FARS2: variants seen among roughly 807,000 people sequenced by gnomAD.
FARS2 encodes phenylalanine--tRNA ligase, mitochondrial.
A neutral mutation model predicts 46.4 loss-of-function variants in FARS2; 40 were observed. That is an observed-to-expected ratio of 0.86 (90% confidence interval 0.67 to 1.12). The LOEUF (loss-of-function observed/expected upper bound fraction) is 1.12, where lower values mean the gene tolerates loss of function less well. FARS2 is among the 50% of genes most tolerant of loss of function. FARS2 has a pLI of 0.00. For missense variants in FARS2, 513 were observed against 567.9 expected, an observed-to-expected ratio of 0.90 and a Z score of 0.98; for synonymous variants, 234 against 214.9, an observed-to-expected ratio of 1.09 and a Z score of -0.78.
the FARS2 span, among the ~76,000 whole-genome samples, chr6:5,251,311 A>G: frequency 9.7e-4 from 147 of 152,286 alleles, no homozygotes; most frequent in African/African-American, 3.3e-3. Flanking sequence ...GTGCTTGTTA[A>G]TACTATTCAT....
At chr6:5,481,666 G>A (rs966863355) in intron 4 of FARS2, among the ~76,000 whole-genome samples, 2 of 152,118 alleles carry the variant, frequency 1.3e-5, no homozygotes, top group Non-Finnish European at 2.9e-5. Flanking sequence ...GCTTGCATTT[G>A]GCATGCACAG....
At chr6:5,643,754 A>G (rs1776939493) in intron 6 of FARS2, among the ~76,000 whole-genome samples, 1 of 152,144 alleles carries the variant, frequency 6.6e-6, no homozygotes, top group Admixed American at 6.6e-5. Context: ...TCCACAGTCT[A>G]CCAGCCTGAG....
At chr6:5,468,376 A>G (rs1463907906) in intron 4 of FARS2, among the ~76,000 whole-genome samples, 3 of 151,980 alleles carry the variant, frequency 2.0e-5, no homozygotes, top group Admixed American at 6.6e-5. Context: ...AAGAAAGAAA[A>G]AAAGTTAGCC....
intron 5 of FARS2, among the ~76,000 whole-genome samples, chr6:5,596,168 C>T (rs761978518): frequency 6.6e-6 from 1 of 152,178 alleles, no homozygotes; most frequent in Non-Finnish European, 1.5e-5. Flanking sequence ...CACCGTTATA[C>T]ATTCAGCATA....
At chr6:5,763,140 C>T (rs1030096128) in intron 6 of FARS2, among the ~76,000 whole-genome samples, 2 of 152,190 alleles carry the variant, frequency 1.3e-5, no homozygotes, top group East Asian at 1.9e-4. Context: ...ATTAGGCCAG[C>T]GTGCTTCCCT....
intron 2 of FARS2, among the ~76,000 whole-genome samples, chr6:5,395,687 C>T (rs902515456): frequency 3.3e-5 from 5 of 152,214 alleles, no homozygotes; most frequent in African/African-American, 1.2e-4. Flanking sequence ...GCTTTATCTT[C>T]ATTTGTAGGA....
At chr6:5,462,888 A>G (rs1765320121) in intron 4 of FARS2, among the ~76,000 whole-genome samples, 1 of 152,244 alleles carries the variant, frequency 6.6e-6, no homozygotes, top group Non-Finnish European at 1.5e-5. Flanking sequence ...TCATTTAGAG[A>G]AAATCGCCAT....
At chr6:5,328,270 C>G (rs532128900) in intron 1 of FARS2, among the ~76,000 whole-genome samples, 5 of 152,158 alleles carry the variant, frequency 3.3e-5, no homozygotes, top group Admixed American at 6.5e-5. Context: ...ACCCTTACCC[C>G]CAAAGCACTA....
At chr6:5,746,776 A>G (rs1761671304) in intron 6 of FARS2, among the ~76,000 whole-genome samples, 2 of 152,224 alleles carry the variant, frequency 1.3e-5, no homozygotes, top group African/African-American at 4.8e-5. Flanking sequence ...AATATCTGCT[A>G]GTATTTATTA....
At chr6:5,543,885 C>T (rs201391994) in intron 4 of FARS2, among the ~76,000 whole-genome samples, 1 of 140,944 alleles carries the variant, frequency 7.1e-6, no homozygotes. Context: ...TGTTTGTTTG[C>T]TTTTTTTTTT....
chr6:5,359,265 C>G (rs934288012), intron 1 of FARS2, among the ~76,000 whole-genome samples: 3 of 151,968 alleles, frequency 2.0e-5, no homozygotes, highest in African/African-American at 7.2e-5. Flanking sequence ...TTCCCAAACT[C>G]CTGACCTCAG....
chr6:5,408,301 T>C (rs1323088539), intron 3 of FARS2, among the ~76,000 whole-genome samples: 1 of 151,802 alleles, frequency 6.6e-6, no homozygotes, highest in Non-Finnish European at 1.5e-5. Context: ...TGACACCTGG[T>C]AAGTGGGAAT....
chr6:5,260,703 A>G (rs2224391), upstream of FARS2: 4 of 1,553,438 alleles, frequency 2.6e-6, no homozygotes, highest in Admixed American at 1.9e-5. Flanking sequence ...CGGTACAGAG[A>G]TAACACTTGT....
chr6:5,469,134 A>G (rs1765672291), intron 4 of FARS2, among the ~76,000 whole-genome samples: 1 of 152,206 alleles, frequency 6.6e-6, no homozygotes, highest in South Asian at 2.1e-4. Context: ...GTGTTTAGCC[A>G]TTGCCACTTC....
chr6:5,260,611 G>GGCCCCCC, upstream of FARS2: 3 of 1,377,682 alleles, frequency 2.2e-6, no homozygotes, highest in East Asian at 2.5e-5. Flanking sequence ...CCGGCCCCTG[G>GGCCCCCC]CCCCCCGCCC....
At chr6:5,315,745 T>TCTTTTCTTC (rs1769454887) in intron 1 of FARS2, among the ~76,000 whole-genome samples, 1 of 150,208 alleles carries the variant, frequency 6.7e-6, no homozygotes, top group Non-Finnish European at 1.5e-5. Flanking sequence ...TTTTTTCCTT[T>TCTTTTCTTC]CTTTCTTTCT....
At chr6:5,544,810 G>A (rs1302828618) in intron 4 of FARS2, among the ~76,000 whole-genome samples, 1 of 152,152 alleles carries the variant, frequency 6.6e-6, no homozygotes, top group Non-Finnish European at 1.5e-5. Context: ...GACAGAGACC[G>A]TCTTTTCTTT....
At chr6:5,579,174 A>G (rs1300908409) in intron 5 of FARS2, among the ~76,000 whole-genome samples, 1 of 152,218 alleles carries the variant, frequency 6.6e-6, no homozygotes, top group South Asian at 2.1e-4. Flanking sequence ...GGAAGTTGCT[A>G]TATGTACTTA....
rs114331097 is a variant in FARS2, at chr6:5,401,861, A to G, written c.613-2681A>G. 5.5e-3 allele frequency among the ~76,000 whole-genome samples: 831 copies of G among 152,210 alleles called. 6 individuals carry two copies. Among genetic ancestry groups the G allele is most frequent in the African/African-American group, 0.019 (783 of 41,570 alleles). ...TTGCTTTACTCCTCTACATTAGTTG[A>G]TCTTTTTGCCTAGAGGCCTTGACGA... On this transcript the variant is annotated intron_variant, in intron 2 of 6. Coordinates refer to ENST00000274680, the MANE Select transcript of FARS2 (RefSeq NM_006567.5).
Sources: gnomAD v4.1 joint callset for allele counts (sites outside exome capture counted in the v4.1 genomes callset) on GRCh38, gnomAD v4.1.1 for gene constraint, MANE v1.5 for transcripts, NCBI Gene and HGNC (gene_info 2026-07-23, HGNC 2026-07-21) for gene names.